The following TDRD5 variants were observed in gnomAD, a reference collection of about 807,000 sequenced individuals.
The protein encoded by TDRD5 is tudor domain-containing protein 5.
Under a neutral mutation model 120.6 loss-of-function variants are expected in TDRD5, and 41 were observed. That is an observed-to-expected ratio of 0.34 (90% confidence interval 0.26 to 0.44). The LOEUF (loss-of-function observed/expected upper bound fraction) is 0.44. Ranked by LOEUF, TDRD5 falls within the 20% of genes least tolerant of loss-of-function variation. TDRD5 has a pLI of 1.00. For missense variants in TDRD5, 1,006 were observed against 1,221.2 expected (o/e 0.82, Z 2.63); for synonymous variants, 430 against 433.7 (o/e 0.99, Z 0.11).
intron 11 of TDRD5, among the ~76,000 whole-genome samples, chr1:179,643,812 G>C (rs4652430): frequency 1.3e-5 from 2 of 152,040 alleles, no homozygotes; most frequent in Non-Finnish European, 1.5e-5. Flanking sequence ...CCACAGTGTG[G>C]TGAAAGAGGT....
chr1:179,685,058 A>C (rs4330886), intron 17 of TDRD5, among the ~76,000 whole-genome samples: 51,263 of 151,918 alleles, frequency 0.34, 8,854 homozygotes, highest in Admixed American at 0.42. Context: ...GTTAGATCCC[A>C]TTTGTCAATT....
chr1:179,605,361 C>T (rs1437463197), intron 4 of TDRD5, among the ~76,000 whole-genome samples: 1 of 152,046 alleles, frequency 6.6e-6, no homozygotes, highest in Non-Finnish European at 1.5e-5. Flanking sequence ...GCATTTAGGC[C>T]ATTTGCATTC....
chr1:179,689,199 C>G (rs1346736615), intron 17 of TDRD5, among the ~76,000 whole-genome samples: 1 of 152,180 alleles, frequency 6.6e-6, no homozygotes, highest in Non-Finnish European at 1.5e-5. Context: ...TACCTTTGGT[C>G]TTTGATGATG....
chr1:179,691,110 T>TGTAA lies in TDRD5; in HGVS notation c.*175_*178dup, dbSNP rs778095023. ...ATTATGCTAACAGTCTACTTTGATG[T>TGTAA]GTAAGTAAGTATTGATATTTACTGT... is the stretch of plus-strand genomic sequence containing the variant. On this transcript the variant is annotated 3_prime_UTR_variant, in exon 18 of 18. Coordinates refer to ENST00000444136, the MANE Select transcript of TDRD5 (RefSeq NM_001199085.3). The TGTAA allele has an allele frequency of 4.9e-6, 4 of 822,716 alleles. No individual in the cohort carries two copies. The highest frequency in any genetic ancestry group is 2.0e-5 in the South Asian group (1 of 48,966). The allele number at this position is 822,716 out of a possible 1,614,324, so 51.0% of individuals were successfully genotyped here.
At chr1:179,598,018 G>T (rs1227095239) in intron 4 of TDRD5, among the ~76,000 whole-genome samples, 5 of 152,140 alleles carry the variant, frequency 3.3e-5, no homozygotes, top group Non-Finnish European at 5.9e-5. Flanking sequence ...TTTTATCATT[G>T]TATGATCATC....
intron 11 of TDRD5, among the ~76,000 whole-genome samples, chr1:179,647,231 T>C (rs1168270870): frequency 1.5e-5 from 2 of 133,406 alleles, no homozygotes; most frequent in African/African-American, 2.6e-5. Flanking sequence ...CAAAACAGCA[T>C]GGTACTGGTA....
At chr1:179,624,044 A>G (rs1182175520) in intron 6 of TDRD5, among the ~76,000 whole-genome samples, 2 of 152,202 alleles carry the variant, frequency 1.3e-5, no homozygotes, top group African/African-American at 4.8e-5. Flanking sequence ...ACAAAAGTCT[A>G]TTACAAAACA....
At chr1:179,659,601 G>T (rs1405116965) in intron 14 of TDRD5, among the ~76,000 whole-genome samples, 1 of 149,022 alleles carries the variant, frequency 6.7e-6, no homozygotes, top group African/African-American at 2.5e-5. Flanking sequence ...GCGCGCGCTT[G>T]CCTGGTATAT....
intron 1 of TDRD5, 89 bp from the exon 2 acceptor site, chr1:179,592,513 C>T: frequency 9.6e-7 from 1 of 1,043,222 alleles, no homozygotes; most frequent in Non-Finnish European, 1.4e-6. Flanking sequence ...AAACTGGAGT[C>T]TCAGTTATTT....
chr1:179,637,469 G>A (rs1268634400), intron 9 of TDRD5, among the ~76,000 whole-genome samples: 3 of 152,168 alleles, frequency 2.0e-5, no homozygotes, highest in Non-Finnish European at 4.4e-5. Flanking sequence ...TATAGACTGG[G>A]TACAGTGTGG....
Position 179,652,082 on chromosome 1 carries a change from G to A in TDRD5, c.2045G>A (p.Ser682Asn), listed in dbSNP as rs370875927. Residue 682 changes from serine (S) to asparagine (N), a missense_variant, in exon 13 of 18, where the codon AGT (serine) becomes AAT (asparagine). By Grantham distance (46) the Ser-to-Asn change is conservative. Coordinates refer to ENST00000444136, the MANE Select transcript of TDRD5 (RefSeq NM_001199085.3). Reference protein sequence around the residue: ...LNPLALYTTSSGGPEDIVLTE... With the variant: ...LNPLALYTTSNGGPEDIVLTE... Reference sequence around the variant, plus strand: ...CCTTTAGCTTTATACACGACATCCAGTGGAGGGCCAGAGGACATTGTCTTG... The same window carrying A: ...CCTTTAGCTTTATACACGACATCCAATGGAGGGCCAGAGGACATTGTCTTG... 15 of 1,613,816 alleles carry A rather than the reference G, an allele frequency of 9.3e-6. No individual in the cohort carries two copies. The African/African-American group carries it at 1.9e-4, about 20-fold the overall frequency.
In TDRD5 at chr1:179,691,074, A is replaced by ATGTT. The variant is rs1217874057; in HGVS notation, c.*132_*135dup. On this transcript the variant is annotated 3_prime_UTR_variant, in exon 18 of 18. Transcript: ENST00000444136. Reference sequence around the variant, plus strand: ...GATACTTTTGTCTTTCTGTGACTATATGTTAGCTTTATTATGCTAACAGTC... The same window carrying ATGTT: ...GATACTTTTGTCTTTCTGTGACTATATGTTTGTTAGCTTTATTATGCTAACAGTC... 2 of 1,237,272 alleles carry ATGTT rather than the reference A, an allele frequency of 1.6e-6. No individual in the cohort carries two copies. The highest frequency in any genetic ancestry group is 3.0e-5 in the African/African-American group (2 of 65,964). 76.6% of individuals were successfully genotyped at this position (1,237,272 alleles called of 1,614,324 possible). A position where few individuals can be genotyped will look rare whatever the true frequency, so the allele number is the denominator to read the frequency against.
intron 15 of TDRD5, among the ~76,000 whole-genome samples, chr1:179,662,570 C>T (rs921037991): frequency 4.6e-5 from 7 of 151,778 alleles, no homozygotes; most frequent in African/African-American, 1.7e-4. Context: ...ATTCCACCAG[C>T]TTGGGTGACA....
At chr1:179,610,509 A>AC (rs2101943255) in intron 4 of TDRD5, among the ~76,000 whole-genome samples, 1 of 152,308 alleles carries the variant, frequency 6.6e-6, no homozygotes, top group South Asian at 2.1e-4. Context: ...GAAAAGTATC[A>AC]ATATATGTTT....
chr1:179,664,818 G>A (rs1333415240), intron 16 of TDRD5, among the ~76,000 whole-genome samples: 2 of 152,120 alleles, frequency 1.3e-5, no homozygotes, highest in African/African-American at 4.8e-5. Context: ...ATAACTAGGA[G>A]TGGAGTTTCT....
At chr1:179,675,237 C>T in intron 17 of TDRD5, among the ~76,000 whole-genome samples, 1 of 142,904 alleles carries the variant, frequency 7.0e-6, no homozygotes, top group Admixed American at 6.9e-5. Context: ...TAGATTGTAT[C>T]ATTCAGTTCA....
At chr1:179,690,236 A>G (rs1022596416) in intron 17 of TDRD5, among the ~76,000 whole-genome samples, 2 of 151,866 alleles carry the variant, frequency 1.3e-5, no homozygotes, top group Non-Finnish European at 2.9e-5. Flanking sequence ...GGTTTGGGGG[A>G]CTTCTTAGCA....
intron 17 of TDRD5, among the ~76,000 whole-genome samples, chr1:179,678,405 T>C (rs151087741): frequency 7.4e-4 from 112 of 152,268 alleles, no homozygotes; most frequent in African/African-American, 2.6e-3. Context: ...TGATCCAGTT[T>C]CTTCAAAGGG....
intron 11 of TDRD5, among the ~76,000 whole-genome samples, chr1:179,649,979 T>C (rs1678620458): frequency 6.6e-6 from 1 of 152,202 alleles, no homozygotes; most frequent in African/African-American, 2.4e-5. Flanking sequence ...TGCAAATCTA[T>C]GTGAAGGATA....
Sources: gnomAD v4.1 joint callset for allele counts (sites outside exome capture counted in the v4.1 genomes callset) on GRCh38, gnomAD v4.1.1 for gene constraint, MANE v1.5 for transcripts, NCBI Gene and HGNC (gene_info 2026-07-23, HGNC 2026-07-21) for gene names.